The following TSPAN11 variants were observed in gnomAD, a reference collection of about 807,000 sequenced individuals.
The protein encoded by TSPAN11 is tetraspanin-11.
TSPAN11 carries 29 observed loss-of-function variants against 32.9 expected under a neutral mutation model. The ratio of observed to expected loss-of-function variants is 0.88; its 90% confidence interval spans 0.66 to 1.20. The LOEUF (loss-of-function observed/expected upper bound fraction) is 1.20, where lower values mean the gene tolerates loss of function less well. TSPAN11 is among the 50% of genes most tolerant of loss of function. TSPAN11 has a pLI of 0.00. For missense variants in TSPAN11, 283 were observed against 329.1 expected (o/e 0.86, Z 1.08); for synonymous variants, 140 against 141.3 (o/e 0.99, Z 0.07).
At chr12:30,941,097 C>A (rs1285926100) in intron 1 of TSPAN11, among the ~76,000 whole-genome samples, 1 of 152,214 alleles carries the variant, frequency 6.6e-6, no homozygotes, top group Non-Finnish European at 1.5e-5. Context: ...ACAGTTGATC[C>A]TTGAACAGCA....
At chr12:30,938,958 T>C (rs1294041161) in intron 1 of TSPAN11, among the ~76,000 whole-genome samples, 1 of 152,086 alleles carries the variant, frequency 6.6e-6, no homozygotes, top group African/African-American at 2.4e-5. Flanking sequence ...GCGGGCTGGT[T>C]GTGGTGGCTC....
At chr12:31,014,071 C>T in the TSPAN11 span, among the ~76,000 whole-genome samples, 134,831 of 152,276 alleles carry the variant, frequency 0.89, 59,986 homozygotes, top group Middle Eastern at 0.95. Flanking sequence ...AAATCACTTA[C>T]GTGATTTCCA....
At chr12:31,010,285 C>G in the TSPAN11 span, among the ~76,000 whole-genome samples, 2 of 152,222 alleles carry the variant, frequency 1.3e-5, no homozygotes, top group African/African-American at 4.8e-5. Flanking sequence ...ACCTTGGGAG[C>G]TGACCATTTA....
intron 2 of TSPAN11, among the ~76,000 whole-genome samples, chr12:30,957,242 C>A (rs1004142199): frequency 8.1e-4 from 93 of 114,234 alleles, no homozygotes; most frequent in African/African-American, 3.1e-3. Flanking sequence ...CCCCCCCCCC[C>A]ACACCATGGT....
chr12:30,927,624 A>G (rs537203708), intron 1 of TSPAN11, among the ~76,000 whole-genome samples: 90 of 151,856 alleles, frequency 5.9e-4, no homozygotes, highest in Non-Finnish European at 1.1e-3. Context: ...CTTCTGGAAA[A>G]ACTCATAAGT....
intron 1 of TSPAN11, among the ~76,000 whole-genome samples, chr12:30,928,801 C>T (rs527450279): frequency 4.6e-5 from 7 of 152,272 alleles, no homozygotes; most frequent in African/African-American, 1.7e-4. Flanking sequence ...TCTAAAGTAG[C>T]CACCTCCCAG....
chr12:30,947,524 G>T (rs1938292334), intron 1 of TSPAN11, among the ~76,000 whole-genome samples: 1 of 152,172 alleles, frequency 6.6e-6, no homozygotes, highest in Non-Finnish European at 1.5e-5. Flanking sequence ...ATCATGGCAG[G>T]AGGCAAAAGG....
chr12:30,967,922 G>T (rs371326633), intron 3 of TSPAN11, among the ~76,000 whole-genome samples: 1 of 151,966 alleles, frequency 6.6e-6, no homozygotes, highest in Admixed American at 6.6e-5. Flanking sequence ...CCAACAGCCC[G>T]TGAAGCATCG....
intron 2 of TSPAN11, chr12:30,954,389 T>G (rs61319692): frequency 0.017 from 4,995 of 302,618 alleles, 136 homozygotes; most frequent in East Asian, 0.084. Context: ...ACTAACTTGT[T>G]GCACCAGCGC....
At chr12:30,928,648 C>G (rs953311670) in intron 1 of TSPAN11, among the ~76,000 whole-genome samples, 1 of 152,196 alleles carries the variant, frequency 6.6e-6, no homozygotes, top group African/African-American at 2.4e-5. Flanking sequence ...GGTCAGGTCC[C>G]GGCTCAGCTC....
chr12:30,964,682 C>T (rs754995932), intron 3 of TSPAN11, among the ~76,000 whole-genome samples: 4 of 152,172 alleles, frequency 2.6e-5, no homozygotes, highest in Non-Finnish European at 4.4e-5. Flanking sequence ...TATCTCTAAA[C>T]TTAAGGACCC....
chr12:30,963,795 C>A lies in TSPAN11; in HGVS notation c.85-31C>A, dbSNP rs148109579. The A allele has an allele frequency of 2.1e-3, 3,346 of 1,595,446 alleles. 56 individuals are homozygous for A. The African/African-American group carries it at 0.04, about 19-fold the overall frequency. ...ATAGCAGCTGCCGAGGCCCCCGCCA[C>A]CCCCTGCTCTAACCCGGTGGTCTCC... On this transcript the variant is annotated intron_variant, in intron 2 of 7. Transcript: ENST00000546076.
intron 1 of TSPAN11, among the ~76,000 whole-genome samples, chr12:30,934,259 G>A (rs1937996473): frequency 6.6e-6 from 1 of 152,246 alleles, no homozygotes; most frequent in Non-Finnish European, 1.5e-5. Flanking sequence ...GCCAACCAGA[G>A]AGGACTCCTG....
chr12:30,969,304 T>C (rs1433697099), intron 3 of TSPAN11, among the ~76,000 whole-genome samples: 1 of 152,178 alleles, frequency 6.6e-6, no homozygotes, highest in Admixed American at 6.5e-5. Flanking sequence ...CATTCTGTTA[T>C]GTTGCTCCAT....
At chr12:30,986,116 T>TAG (rs1939196150) in intron 7 of TSPAN11, among the ~76,000 whole-genome samples, 1 of 152,084 alleles carries the variant, frequency 6.6e-6, no homozygotes, top group South Asian at 2.1e-4. Context: ...GTTTACCTCC[T>TAG]AGAGAGCAGA....
chr12:30,962,043 T>C (rs537906481), intron 2 of TSPAN11, among the ~76,000 whole-genome samples: 12 of 152,234 alleles, frequency 7.9e-5, no homozygotes, highest in Admixed American at 4.6e-4. Flanking sequence ...AGACACACTA[T>C]TGTTTTTTGT....
chr12:31,008,369 C>T, the TSPAN11 span, among the ~76,000 whole-genome samples: 2 of 152,228 alleles, frequency 1.3e-5, no homozygotes, highest in Non-Finnish European at 2.9e-5. Flanking sequence ...CATGCCTGCT[C>T]CCAGAACCCA....
At chr12:30,971,947 G>A (rs906455801) in intron 3 of TSPAN11, among the ~76,000 whole-genome samples, 1 of 152,144 alleles carries the variant, frequency 6.6e-6, no homozygotes, top group African/African-American at 2.4e-5. Context: ...AGTTTAAACT[G>A]TTCCATTAAA....
chr12:30,982,940 G>A, intron 6 of TSPAN11, 124 bp from the exon 7 acceptor site: 1 of 1,185,536 alleles, frequency 8.4e-7, no homozygotes, highest in Non-Finnish European at 1.2e-6. Context: ...AGCAATTCAA[G>A]GTTGGGTCCA....
Sources: gnomAD v4.1 joint callset for allele counts (sites outside exome capture counted in the v4.1 genomes callset) on GRCh38, gnomAD v4.1.1 for gene constraint, MANE v1.5 for transcripts, NCBI Gene and HGNC (gene_info 2026-07-23, HGNC 2026-07-21) for gene names.